CTNNA1: variants seen among roughly 807,000 people sequenced by gnomAD.
CTNNA1 encodes the protein catenin alpha-1.
CTNNA1 carries 37 observed loss-of-function variants against 98.4 expected under a neutral mutation model. That is an observed-to-expected ratio of 0.38 (90% CI 0.29 to 0.49). The LOEUF is 0.49. CTNNA1 is among the 20% of genes least tolerant of loss of function. The pLI, the probability that CTNNA1 is intolerant of heterozygous loss-of-function variation, is 0.95. For missense variants in CTNNA1, 761 were observed against 1,147.2 expected (o/e 0.66, Z 4.86); for synonymous variants, 404 against 413.2 (o/e 0.98, Z 0.27).
chr5:138,838,820 C>A (rs755794578), intron 7 of CTNNA1, among the ~76,000 whole-genome samples: 8 of 151,888 alleles, frequency 5.3e-5, no homozygotes, highest in Non-Finnish European at 8.8e-5. Context: ...TTTAAGAGAT[C>A]GGGTCTCATC....
At chr5:138,880,742 C>A in intron 7 of CTNNA1, 1 of 272,264 alleles carries the variant, frequency 3.7e-6, no homozygotes, top group Non-Finnish European at 7.3e-6. Context: ...AGGTAAGATA[C>A]CCGTTCATAC....
rs1365513061 is a variant in CTNNA1 at position 138,830,437 on chromosome 5, G to A, written c.1062+2719G>A. Among the ~76,000 whole-genome samples, 6 of 152,200 alleles carry A rather than the reference G, an allele frequency of 3.9e-5. No individual in the cohort carries two copies. In the East Asian group the frequency reaches 1.2e-3, roughly 29 times the overall value. On this transcript the variant is annotated intron_variant, in intron 7 of 17. Coordinates refer to ENST00000302763, the MANE Select transcript of CTNNA1 (RefSeq NM_001903.5). The stretch of plus-strand genomic sequence containing the variant: ...ATTTTAGGAGATGGTCTCTGGGTAT[G>A]TTTCTCCTAAAGGTAAAAATCTTTA...
At chr5:138,847,215 G>A (rs1156344060) in intron 7 of CTNNA1, among the ~76,000 whole-genome samples, 1 of 152,158 alleles carries the variant, frequency 6.6e-6, no homozygotes. Flanking sequence ...CTTCTATTGG[G>A]TAGTACTTGT....
At position 138,886,297 on chromosome 5, in the gene CTNNA1, T is replaced by C. The variant is rs766106863; in HGVS notation, c.1143+5T>C. ...ACCAGGGACTTGCGTAGACAGGTAATCTGGATGAAAGTGCTGATTGTTTTT... is the reference window on the plus strand; with the variant it reads ...ACCAGGGACTTGCGTAGACAGGTAACCTGGATGAAAGTGCTGATTGTTTTT... On this transcript the variant is annotated splice_donor_5th_base_variant and intron_variant, in intron 8 of 17. Coordinates refer to ENST00000302763, the MANE Select transcript of CTNNA1 (RefSeq NM_001903.5). 110 of 1,592,962 alleles carry C rather than the reference T, an allele frequency of 6.9e-5. 1 individual carries two copies. The Middle Eastern group carries it at 8.3e-4, about 12-fold the overall frequency.
At chr5:138,893,008 T>G (rs1755832851) in intron 9 of CTNNA1, among the ~76,000 whole-genome samples, 2 of 152,118 alleles carry the variant, frequency 1.3e-5, no homozygotes, top group African/African-American at 4.8e-5. Flanking sequence ...AGAGATAGAC[T>G]CCGTCTCAAA....
intron 7 of CTNNA1, among the ~76,000 whole-genome samples, chr5:138,839,299 A>AATTG (rs1329599258): frequency 6.6e-6 from 1 of 151,870 alleles, no homozygotes; most frequent in Non-Finnish European, 1.5e-5. Flanking sequence ...ATCTCGGCTC[A>AATTG]AGTGATTTCT....
chr5:138,886,910 T>A (rs767559619), intron 8 of CTNNA1, among the ~76,000 whole-genome samples: 11 of 152,134 alleles, frequency 7.2e-5, no homozygotes, highest in Non-Finnish European at 1.6e-4. Flanking sequence ...TACAGACAAT[T>A]TTTAAGAGGT....
intron 3 of CTNNA1, among the ~76,000 whole-genome samples, chr5:138,808,946 A>G (rs894055090): frequency 1.3e-5 from 2 of 152,210 alleles, no homozygotes; most frequent in African/African-American, 2.4e-5. Context: ...GACAGAAAGT[A>G]TAAGTTTCAC....
chr5:138,812,364 C>T (rs1758917384), intron 5 of CTNNA1, 62 bp downstream of exon 5: 11 of 1,551,330 alleles, frequency 7.1e-6, no homozygotes, highest in Non-Finnish European at 9.6e-6. Flanking sequence ...GGGAAAAACT[C>T]ATTCTGTGTG....
intron 13 of CTNNA1, among the ~76,000 whole-genome samples, chr5:138,925,792 G>A (rs1189746939): frequency 6.6e-6 from 1 of 152,226 alleles, no homozygotes; most frequent in East Asian, 1.9e-4. Flanking sequence ...TCTCTTCGGA[G>A]GGGCTGCAGG....
intron 5 of CTNNA1, among the ~76,000 whole-genome samples, chr5:138,812,988 A>G (rs1421266469): frequency 1.3e-5 from 2 of 152,260 alleles, no homozygotes; most frequent in African/African-American, 4.8e-5. Flanking sequence ...CTTTAAAACA[A>G]GCCCCAAGAA....
chr5:138,824,904 A>T, intron 6 of CTNNA1, 105 bp downstream of exon 6: 1 of 1,035,866 alleles, frequency 9.7e-7, no homozygotes. Flanking sequence ...CTCAATTTCC[A>T]CTTAGATCTT....
Position 138,873,967 on chromosome 5 carries a change from G to T in CTNNA1, c.1063-12245G>T. The stretch of plus-strand genomic sequence containing the variant: ...GTTTAATTAATCCTGCAAATCCATT[G>T]CGAGCCAAACTTCGCAAACGATTTG... On this transcript the variant is annotated intron_variant, in intron 7 of 17. Coordinates refer to ENST00000302763, the MANE Select transcript of CTNNA1 (RefSeq NM_001903.5). This position sits in a 1 kb window ranked among gnomAD's most constrained non-coding sequence, Gnocchi z 6.1. The T allele has an allele frequency of 1.2e-6, 2 of 1,613,988 alleles. No homozygotes were observed. The highest frequency in any genetic ancestry group is 1.7e-6 in the Non-Finnish European group (2 of 1,179,890).
At chr5:138,781,573 A>G (rs1755119299) in intron 1 of CTNNA1, among the ~76,000 whole-genome samples, 1 of 151,102 alleles carries the variant, frequency 6.6e-6, no homozygotes, top group Non-Finnish European at 1.5e-5. Context: ...AAAAAAAAAG[A>G]AAGTAGCTTT....
chr5:138,911,471 A>G (rs1421483235), intron 10 of CTNNA1, among the ~76,000 whole-genome samples: 1 of 151,926 alleles, frequency 6.6e-6, no homozygotes, highest in Admixed American at 6.6e-5. Context: ...CCCCCCCAAT[A>G]TAATCATAAG....
chr5:138,885,715 T>A (rs976652039), intron 7 of CTNNA1, among the ~76,000 whole-genome samples: 1 of 152,150 alleles, frequency 6.6e-6, no homozygotes, highest in African/African-American at 2.4e-5. Flanking sequence ...TAATAAACAT[T>A]ATTAGCTCTG....
At chr5:138,833,261 G>A (rs561836840) in intron 7 of CTNNA1, among the ~76,000 whole-genome samples, 4 of 152,300 alleles carry the variant, frequency 2.6e-5, no homozygotes, top group African/African-American at 7.2e-5. Flanking sequence ...ACTGACTGGC[G>A]TTAGGGCTTA....
chr5:138,899,094 A>G (rs1426171109), intron 9 of CTNNA1, among the ~76,000 whole-genome samples: 3 of 152,084 alleles, frequency 2.0e-5, no homozygotes, highest in Admixed American at 6.5e-5. Context: ...ACATAAATAT[A>G]TTTTTTAAAT....
chr5:138,859,499 C>CTAA (rs1764064760), intron 7 of CTNNA1, among the ~76,000 whole-genome samples: 1 of 152,200 alleles, frequency 6.6e-6, no homozygotes, highest in African/African-American at 2.4e-5. Flanking sequence ...ACTTGGACGA[C>CTAA]TAATAAACAT....
Sources: allele counts gnomAD v4.1 joint callset (sites outside exome capture counted in the v4.1 genomes callset), GRCh38; gene constraint gnomAD v4.1.1; non-coding constraint Gnocchi (gnomAD v3.1); transcripts MANE v1.5; gene names NCBI Gene and HGNC (gene_info 2026-07-23, HGNC 2026-07-21).